Variants in FILIP1 observed in about 807,000 individuals in gnomAD.
FILIP1 encodes the protein filamin A interacting protein 1.
In FILIP1, 61 loss-of-function variants were observed where a neutral mutation model predicts 102.1. The ratio of observed to expected loss-of-function variants is 0.60; its 90% CI spans 0.49 to 0.74. FILIP1 has a LOEUF of 0.74. FILIP1 is among the 30% of genes least tolerant of loss of function. FILIP1 has a pLI of 0.00. For synonymous variants in FILIP1, 491 were observed against 526.9 expected, an observed-to-expected ratio of 0.93 and a Z score of 0.93; for missense variants, 1,314 against 1,441.2, an observed-to-expected ratio of 0.91 and a Z score of 1.43.
intron 2 of FILIP1, among the ~76,000 whole-genome samples, chr6:75,382,821 T>G (rs930597627): frequency 1.6e-4 from 25 of 152,308 alleles, no homozygotes; most frequent in African/African-American, 5.5e-4. Context: ...ATCTTGTGAA[T>G]CTGCAGGCAG....
chr6:75,368,280 G>A (rs1775406892), intron 2 of FILIP1, among the ~76,000 whole-genome samples: 1 of 152,220 alleles, frequency 6.6e-6, no homozygotes, highest in African/African-American at 2.4e-5. Flanking sequence ...GCTGCTCTGT[G>A]AGGCCTAGGG....
At chr6:75,453,094 C>T (rs1240718410) in intron 1 of FILIP1, among the ~76,000 whole-genome samples, 1 of 152,204 alleles carries the variant, frequency 6.6e-6, no homozygotes, top group Admixed American at 6.5e-5. Flanking sequence ...AAGGTTAGTA[C>T]ATCTTGGATT....
At chr6:75,391,316 T>G (rs552251530) in intron 2 of FILIP1, among the ~76,000 whole-genome samples, 2 of 152,144 alleles carry the variant, frequency 1.3e-5, no homozygotes, top group Non-Finnish European at 2.9e-5. Context: ...GAAAAACTCA[T>G]GCCAACTGAT....
downstream of FILIP1, among the ~76,000 whole-genome samples, chr6:75,303,512 C>A (rs1034420336): frequency 1.3e-5 from 2 of 152,292 alleles, no homozygotes; most frequent in South Asian, 4.2e-4. Context: ...CACAGCCTAA[C>A]TCTGCCCTTG....
intron 1 of FILIP1, among the ~76,000 whole-genome samples, chr6:75,427,792 A>G (rs1400325466): frequency 2.0e-5 from 3 of 152,150 alleles, no homozygotes; most frequent in Non-Finnish European, 4.4e-5. Context: ...CCAAGCCCAA[A>G]CATGACCCCT....
intron 1 of FILIP1, among the ~76,000 whole-genome samples, chr6:75,451,414 C>T (rs1778627807): frequency 6.6e-6 from 1 of 151,362 alleles, no homozygotes; most frequent in Admixed American, 6.6e-5. Context: ...AGGTGATTCC[C>T]AAAGAAGATA....
At chr6:75,352,944 C>A (rs909247736) in intron 4 of FILIP1, among the ~76,000 whole-genome samples, 1 of 150,308 alleles carries the variant, frequency 6.7e-6, no homozygotes, top group Non-Finnish European at 1.5e-5. Flanking sequence ...CTACAAATTG[C>A]TTTCTATTTG....
rs1294847573 is a variant in FILIP1 at position 75,456,659 on chromosome 6, A to T, written c.-7+36755T>A. 2.0e-5 allele frequency among the ~76,000 whole-genome samples: 3 copies of T among 151,332 alleles called. No homozygotes were observed. In the East Asian group the frequency reaches 5.8e-4, roughly 29 times the overall value. ...ACTGCAACCTCCCCCTCCTGGGCTCAAATGATTCTCCTGCCTCAGCATCCT... is the reference window on the plus strand; with the variant it reads ...ACTGCAACCTCCCCCTCCTGGGCTCTAATGATTCTCCTGCCTCAGCATCCT... On this transcript the variant is annotated intron_variant, in intron 1 of 5. Transcript: ENST00000237172.
intron 1 of FILIP1, among the ~76,000 whole-genome samples, chr6:75,470,972 G>C (rs972915756): frequency 6.6e-6 from 1 of 151,806 alleles, no homozygotes; most frequent in Admixed American, 6.6e-5. Flanking sequence ...ACCAGCCTAG[G>C]CCACATGGCA....
intron 2 of FILIP1, among the ~76,000 whole-genome samples, chr6:75,363,769 G>T (rs997832310): frequency 4.6e-5 from 7 of 152,256 alleles, no homozygotes; most frequent in Admixed American, 3.3e-4. Context: ...TCCATATGGG[G>T]ACACACTTGG....
chr6:75,423,971 A>G (rs1293376467), intron 1 of FILIP1, among the ~76,000 whole-genome samples: 1 of 152,178 alleles, frequency 6.6e-6, no homozygotes, highest in African/African-American at 2.4e-5. Context: ...CTTAGTTTTA[A>G]TGATTTAAAA....
intron 2 of FILIP1, chr6:75,385,682 T>C (rs1246509379): frequency 6.6e-6 from 1 of 152,126 alleles, no homozygotes; most frequent in East Asian, 1.9e-4. Flanking sequence ...CAGGAACTGG[T>C]TGGTAAGTTT....
rs559678073 is a variant in FILIP1, at chr6:75,295,875, C to T, written c.*35G>A. On this transcript the variant is annotated 3_prime_UTR_variant, in exon 7 of 7. Transcript: ENST00000393004. ...GTCCATTCAATAGGGATTCAGAGGT[C>T]GTACACACACCCAGTATGTGCTTGG... The T allele has an allele frequency of 8.3e-5, 115 of 1,382,518 alleles. 1 individual carries two copies. In the South Asian group the frequency reaches 1.2e-3, roughly 14 times the overall value. 85.6% of individuals were successfully genotyped at this position (1,382,518 alleles called of 1,614,324 possible).
At chr6:75,461,735 A>C (rs1246050009) in intron 1 of FILIP1, among the ~76,000 whole-genome samples, 1 of 152,212 alleles carries the variant, frequency 6.6e-6, no homozygotes, top group African/African-American at 2.4e-5. Flanking sequence ...GGTTATTTCC[A>C]GATTCACTGC....
intron 1 of FILIP1, among the ~76,000 whole-genome samples, chr6:75,489,437 A>C (rs1409291299): frequency 6.6e-6 from 1 of 152,142 alleles, no homozygotes; most frequent in Admixed American, 6.6e-5. Flanking sequence ...AACTATCCGC[A>C]TCCAAGAACT....
chr6:75,314,266 T>C lies in FILIP1; in HGVS notation c.1566A>G (p.Glu522=). Residue 522 remains glutamate, a synonymous_variant, in exon 5 of 6, where the codon GAA becomes GAG. Transcript: ENST00000237172. ...TATTGAGTCCATCCACTTTTCTCTC[T>C]TCTTGTTTTATTTTTTCCATCATAT... is the stretch of plus-strand genomic sequence containing the variant. ...RKNMMEKIKQ[E]ERKVDGLNKN... The C allele has an allele frequency of 6.4e-7, 1 of 1,553,096 alleles. No individual in the cohort carries two copies.
chr6:75,411,139 T>C (rs1051385297), intron 2 of FILIP1, among the ~76,000 whole-genome samples: 1 of 152,260 alleles, frequency 6.6e-6, no homozygotes, highest in Non-Finnish European at 1.5e-5. Flanking sequence ...GGTATCTCAC[T>C]GTGGTTTCGA....
chr6:75,293,230 A>T (rs1772585036), exon 7 of FILIP1: 2 of 152,218 alleles, frequency 1.3e-5, no homozygotes, highest in Admixed American at 1.3e-4. Context: ...TTCATTAAAA[A>T]TGATTCCCAT....
chr6:75,404,672 T>C (rs1321322167), intron 2 of FILIP1, among the ~76,000 whole-genome samples: 1 of 152,192 alleles, frequency 6.6e-6, no homozygotes, highest in Non-Finnish European at 1.5e-5. Flanking sequence ...ACCATAACTT[T>C]GTTCCTTGAT....
Sources: gnomAD v4.1 joint callset for allele counts (sites outside exome capture counted in the v4.1 genomes callset) on GRCh38, gnomAD v4.1.1 for gene constraint, MANE v1.5 for transcripts, NCBI Gene and HGNC (gene_info 2026-07-23, HGNC 2026-07-21) for gene names.